PTPRD: variants seen among roughly 807,000 people sequenced by gnomAD.
The protein encoded by PTPRD is protein tyrosine phosphatase receptor type D, also known as receptor-type tyrosine-protein phosphatase delta.
A neutral mutation model predicts 214.5 loss-of-function variants in PTPRD; 34 were observed. The ratio of observed to expected loss-of-function variants is 0.16; its 90% CI spans 0.12 to 0.21. The LOEUF is 0.21. Ranked by LOEUF, PTPRD falls within the 10% of genes least tolerant of loss-of-function variation. PTPRD has a pLI of 1.00. For missense variants in PTPRD, 2,545 were observed against 2,398.7 expected (o/e 1.06, Z -1.27); for synonymous variants, 1,128 against 845.7 (o/e 1.33, Z -5.79).
At chr9:10,300,526 C>G (rs2095829995) in intron 3 of PTPRD, among the ~76,000 whole-genome samples, 2 of 152,214 alleles carry the variant, frequency 1.3e-5, no homozygotes, top group Admixed American at 1.3e-4. Context: ...TTGAAATTCT[C>G]ACTGCCAGCA....
intron 10 of PTPRD, among the ~76,000 whole-genome samples, chr9:9,068,966 A>C (rs1441785730): frequency 1.3e-5 from 2 of 152,290 alleles, no homozygotes; most frequent in Non-Finnish European, 1.5e-5. Context: ...TTTCCGGGTA[A>C]TAGGCAAATA....
At chr9:10,473,982 G>T (rs2099047155) in intron 2 of PTPRD, among the ~76,000 whole-genome samples, 1 of 152,028 alleles carries the variant, frequency 6.6e-6, no homozygotes, top group Non-Finnish European at 1.5e-5. Flanking sequence ...GCTCCTGAAG[G>T]AAGCACTAAA....
At chr9:9,704,250 C>T (rs1254012517) in intron 7 of PTPRD, among the ~76,000 whole-genome samples, 1 of 151,856 alleles carries the variant, frequency 6.6e-6, no homozygotes, top group Non-Finnish European at 1.5e-5. Flanking sequence ...TCGCATTCTT[C>T]TTTTTTCTTT....
At chr9:8,413,608 G>A (rs777358888) in intron 35 of PTPRD, among the ~76,000 whole-genome samples, 2 of 152,096 alleles carry the variant, frequency 1.3e-5, no homozygotes, top group Non-Finnish European at 2.9e-5. Context: ...ATTAGTGCTT[G>A]CAGGTAAGGT....
intron 5 of PTPRD, among the ~76,000 whole-genome samples, chr9:9,774,456 T>G (rs2098780118): frequency 6.6e-6 from 1 of 152,194 alleles, no homozygotes; most frequent in Non-Finnish European, 1.5e-5. Context: ...AGCACGAGGT[T>G]CCATCATTTA....
chr9:10,420,830 G>C (rs1414387032), intron 2 of PTPRD, among the ~76,000 whole-genome samples: 1 of 151,626 alleles, frequency 6.6e-6, no homozygotes, highest in Non-Finnish European at 1.5e-5. Context: ...GTCAGAGTTA[G>C]GTACCTTCTT....
rs1407428124 is a variant in PTPRD at position 8,358,737 on chromosome 9, T to C, written c.4662-16759A>G. Among the ~76,000 whole-genome samples the C allele has an allele frequency of 2.0e-5, 3 of 152,170 alleles. No individual in the cohort carries two copies. In the East Asian group the frequency reaches 5.8e-4, roughly 29 times the overall value. ...GATATGCAACCTTCCTATTCTTGCA[T>C]AGTTTATTAGACTTCTACTAATAAA... On this transcript the variant is annotated intron_variant, in intron 39 of 45. Coordinates refer to ENST00000381196, the MANE Select transcript of PTPRD (RefSeq NM_002839.4).
chr9:8,544,978 G>C (rs935263565), intron 14 of PTPRD, among the ~76,000 whole-genome samples: 1 of 141,966 alleles, frequency 7.0e-6, no homozygotes. Context: ...CCTAAAACAT[G>C]ATGACCAGGG....
In PTPRD at chr9:9,722,687, A is replaced by T. The variant is rs191558819; in HGVS notation, c.-287+11846T>A. 4.2e-3 allele frequency among the ~76,000 whole-genome samples: 641 copies of T among 152,168 alleles called. 3 individuals are homozygous for T. Among genetic ancestry groups the T allele is most frequent in the African/African-American group, 0.014 (602 of 41,544 alleles). ...GCATCATTTTGCATTCCCACCAGCA[A>T]TTGATAACAATTCCAATTCCTCCAC... On this transcript the variant is annotated intron_variant, in intron 7 of 45. Transcript: ENST00000381196.
At chr9:9,893,127 A>G (rs560320165) in intron 5 of PTPRD, among the ~76,000 whole-genome samples, 40 of 152,202 alleles carry the variant, frequency 2.6e-4, no homozygotes, top group African/African-American at 8.2e-4. Context: ...ATCACTATAT[A>G]GAATATAATC....
intron 11 of PTPRD, among the ~76,000 whole-genome samples, chr9:8,766,570 C>T (rs12346008): frequency 0.047 from 7,110 of 152,234 alleles, 412 homozygotes; most frequent in African/African-American, 0.14. Context: ...ACAATAAACA[C>T]TGCAGCACAA....
intron 12 of PTPRD, among the ~76,000 whole-genome samples, chr9:8,638,243 A>T (rs963126238): frequency 6.6e-6 from 1 of 152,100 alleles, no homozygotes; most frequent in African/African-American, 2.4e-5. Context: ...CTTGGATTAT[A>T]AAAAAGAAAA....
chr9:9,477,254 C>T (rs901359855), intron 8 of PTPRD, among the ~76,000 whole-genome samples: 1 of 152,170 alleles, frequency 6.6e-6, no homozygotes, highest in Admixed American at 6.5e-5. Flanking sequence ...TCACTACCTT[C>T]AGTTCTGATG....
chr9:9,042,533 C>A (rs1049354251), intron 10 of PTPRD, among the ~76,000 whole-genome samples: 2 of 151,802 alleles, frequency 1.3e-5, no homozygotes, highest in Non-Finnish European at 2.9e-5. Context: ...ACAGCAGGTG[C>A]CAGATGAGAA....
At chr9:8,743,677 T>G (rs372818588) in intron 11 of PTPRD, among the ~76,000 whole-genome samples, 3 of 151,992 alleles carry the variant, frequency 2.0e-5, no homozygotes, top group African/African-American at 7.2e-5. Flanking sequence ...AAAACCCTTC[T>G]AGACATCGGC....
rs112442344 is a variant in PTPRD, at chr9:8,791,406, A to G, written c.-103-57460T>C. On this transcript the variant is annotated intron_variant, in intron 11 of 45. Coordinates refer to ENST00000381196, the MANE Select transcript of PTPRD (RefSeq NM_002839.4). ...ACACCCAGCTAATTTTTGTATTTTT[A>G]GTAGAGACATGGTTTCACCATGTTG... 3.6e-3 allele frequency among the ~76,000 whole-genome samples: 545 copies of G among 151,638 alleles called. 2 individuals are homozygous for G. The highest frequency in any genetic ancestry group is 6.0e-3 in the Non-Finnish European group (405 of 67,916).
intron 10 of PTPRD, among the ~76,000 whole-genome samples, chr9:9,044,420 G>T (rs990863780): frequency 3.9e-5 from 6 of 152,220 alleles, no homozygotes; most frequent in Admixed American, 3.3e-4. Flanking sequence ...TCCTACTGAG[G>T]ACACTTTTGC....
intron 4 of PTPRD, among the ~76,000 whole-genome samples, chr9:10,001,575 T>G (rs1214256352): frequency 9.2e-5 from 14 of 152,140 alleles, no homozygotes. Flanking sequence ...CAGAAATCAC[T>G]GAAGCCAGAG....
intron 9 of PTPRD, among the ~76,000 whole-genome samples, chr9:9,313,175 T>G (rs1040501081): frequency 2.0e-5 from 3 of 152,154 alleles, no homozygotes; most frequent in Non-Finnish European, 4.4e-5. Context: ...CTGGTTTTGC[T>G]GTGTGTCATA....
Sources: allele counts gnomAD v4.1 joint callset (sites outside exome capture counted in the v4.1 genomes callset), GRCh38; gene constraint gnomAD v4.1.1; transcripts MANE v1.5; gene names NCBI Gene and HGNC (gene_info 2026-07-23, HGNC 2026-07-21).